PDE8B: variants seen among roughly 807,000 people sequenced by gnomAD.
PDE8B encodes the protein high affinity cAMP-specific and IBMX-insensitive 3',5'-cyclic phosphodiesterase 8B.
Under a neutral mutation model 101.3 loss-of-function variants are expected in PDE8B, and 26 were observed. The ratio of observed to expected loss-of-function variants is 0.26; its 90% CI spans 0.19 to 0.36. The LOEUF (loss-of-function observed/expected upper bound fraction) is 0.36, where lower values mean the gene tolerates loss of function less well. Ranked by LOEUF, PDE8B falls within the 10% of genes least tolerant of loss-of-function variation. The pLI, the probability that PDE8B is intolerant of heterozygous loss-of-function variation, is 1.00. For missense variants in PDE8B, 810 were observed against 1,163.1 expected, an observed-to-expected ratio of 0.70 and a Z score of 4.42; for synonymous variants, 424 against 429.3, an observed-to-expected ratio of 0.99 and a Z score of 0.15.
chr5:77,426,195 G>C (rs969098408), intron 21 of PDE8B: 1 of 592,958 alleles, frequency 1.7e-6, no homozygotes, highest in African/African-American at 1.9e-5. Flanking sequence ...GAAAACTCTA[G>C]AAAGAATGCA....
Position 77,374,958 on chromosome 5 carries a change from TACAC to T in PDE8B, c.1167+21569_1167+21572del, listed in dbSNP as rs151289447. ...CCTACAGACTACAGACAGAACCAGA[TACAC>T]ACACACACACACACACCCAACTCTA... is the stretch of plus-strand genomic sequence containing the variant. On this transcript the variant is annotated intron_variant, in intron 10 of 21. Transcript: ENST00000264917. 5.1e-3 allele frequency among the ~76,000 whole-genome samples: 761 copies of T among 150,578 alleles called. 9 individuals carry two copies. Among genetic ancestry groups the T allele is most frequent in the Middle Eastern group, 0.028 (8 of 284 alleles).
the PDE8B span, chr5:77,139,800 T>C: frequency 3.3e-5 from 5 of 152,270 alleles, no homozygotes; most frequent in Non-Finnish European, 7.3e-5. Flanking sequence ...TTTCTAAATC[T>C]GCATTTTGTT....
At chr5:77,201,714 A>T in the PDE8B span, among the ~76,000 whole-genome samples, 1 of 152,046 alleles carries the variant, frequency 6.6e-6, no homozygotes, top group African/African-American at 2.4e-5. Flanking sequence ...GATCCTAAGG[A>T]TTCGTTTTCA....
the PDE8B span, among the ~76,000 whole-genome samples, chr5:77,109,589 C>T: frequency 2.6e-5 from 4 of 152,168 alleles, no homozygotes. Flanking sequence ...CCCATCTCTA[C>T]CTGGGAATTT....
At chr5:77,292,640 C>G (rs1767620755) in intron 1 of PDE8B, among the ~76,000 whole-genome samples, 1 of 152,166 alleles carries the variant, frequency 6.6e-6, no homozygotes, top group Non-Finnish European at 1.5e-5. Flanking sequence ...GCATTGCTGC[C>G]TGGTTTTACA....
At chr5:77,396,037 A>ATTT (rs1790985763) in intron 10 of PDE8B, among the ~76,000 whole-genome samples, 1 of 152,216 alleles carries the variant, frequency 6.6e-6, no homozygotes, top group Admixed American at 6.5e-5. Flanking sequence ...TGAGCTGGGG[A>ATTT]TCGTGCATCA....
chr5:77,291,709 G>T, intron 1 of PDE8B: 1 of 1,593,722 alleles, frequency 6.3e-7, no homozygotes, highest in Non-Finnish European at 8.6e-7. Context: ...AGGGAATCTG[G>T]CAGTGATGCC....
chr5:77,405,841 A>AT (rs1303187352), intron 12 of PDE8B, among the ~76,000 whole-genome samples: 1 of 152,152 alleles, frequency 6.6e-6, no homozygotes, highest in East Asian at 1.9e-4. Context: ...TATTTGGCAA[A>AT]TGGGAGGACA....
chr5:77,300,616 G>A (rs1318358309), intron 1 of PDE8B, among the ~76,000 whole-genome samples: 1 of 152,326 alleles, frequency 6.6e-6, no homozygotes, highest in East Asian at 1.9e-4. Flanking sequence ...GGCTTTTGAT[G>A]TAAAACATAG....
chr5:77,154,632 A>C, the PDE8B span, among the ~76,000 whole-genome samples: 365 of 152,326 alleles, frequency 2.4e-3, 2 homozygotes, highest in Middle Eastern at 0.017. Context: ...AGTGAGACTC[A>C]GGACTACTAG....
chr5:77,171,135 C>T, the PDE8B span, among the ~76,000 whole-genome samples: 31 of 152,130 alleles, frequency 2.0e-4, no homozygotes, highest in Admixed American at 5.9e-4. Context: ...TGATCATTTA[C>T]GAAGGCGAAT....
At chr5:77,137,994 G>A in the PDE8B span, among the ~76,000 whole-genome samples, 3 of 151,954 alleles carry the variant, frequency 2.0e-5, no homozygotes, top group Non-Finnish European at 2.9e-5. Context: ...CTTTCTATTA[G>A]GTTGGTACAA....
At chr5:77,420,804 T>C (rs1796492060) in intron 19 of PDE8B, among the ~76,000 whole-genome samples, 1 of 152,198 alleles carries the variant, frequency 6.6e-6, no homozygotes, top group South Asian at 2.1e-4. Flanking sequence ...CATCCACTCA[T>C]GTAAGCCCCC....
chr5:77,171,461 A>G, the PDE8B span, among the ~76,000 whole-genome samples: 1 of 152,224 alleles, frequency 6.6e-6, no homozygotes, highest in East Asian at 1.9e-4. Flanking sequence ...TAATCCTGGC[A>G]TAATTCTGTC....
At chr5:77,120,599 A>G in the PDE8B span, among the ~76,000 whole-genome samples, 1 of 152,348 alleles carries the variant, frequency 6.6e-6, no homozygotes, top group South Asian at 2.1e-4. Flanking sequence ...ATAGAATAAG[A>G]TATTAGTTGT....
intron 1 of PDE8B, among the ~76,000 whole-genome samples, chr5:77,264,363 C>T (rs571901129): frequency 6.6e-6 from 1 of 152,154 alleles, no homozygotes; most frequent in Non-Finnish European, 1.5e-5. Context: ...ACAGTTGTAC[C>T]ATTTTATATT....
the PDE8B span, among the ~76,000 whole-genome samples, chr5:77,133,427 T>C: frequency 6.6e-6 from 1 of 152,228 alleles, no homozygotes; most frequent in Admixed American, 6.5e-5. Context: ...TTTTTGGATG[T>C]TTGTCATATA....
At chr5:77,175,500 C>CA in the PDE8B span, among the ~76,000 whole-genome samples, 1 of 152,202 alleles carries the variant, frequency 6.6e-6, no homozygotes, top group Non-Finnish European at 1.5e-5. Flanking sequence ...TAAACATCCC[C>CA]TCCCAGGGAA....
intron 10 of PDE8B, among the ~76,000 whole-genome samples, chr5:77,374,879 C>G (rs1050034259): frequency 2.6e-5 from 4 of 152,166 alleles, no homozygotes; most frequent in African/African-American, 9.7e-5. Flanking sequence ...GGCAAATCCC[C>G]TAAGGACTTG....
Sources: allele counts gnomAD v4.1 joint callset (sites outside exome capture counted in the v4.1 genomes callset), GRCh38; gene constraint gnomAD v4.1.1; transcripts MANE v1.5; gene names NCBI Gene and HGNC (gene_info 2026-07-23, HGNC 2026-07-21).